Variants in ZMYM2 observed in about 807,000 individuals in gnomAD.
ZMYM2 encodes zinc finger MYM-type containing 2, also known as zinc finger MYM-type protein 2.
A neutral mutation model predicts 162.8 loss-of-function variants in ZMYM2; 56 were observed. The observed-to-expected ratio is 0.34, with a 90% CI of 0.28 to 0.43. The LOEUF (loss-of-function observed/expected upper bound fraction) is 0.43. ZMYM2 is among the 20% of genes least tolerant of loss of function. The probability of loss-of-function intolerance (pLI) is 1.00; values close to 1 mark genes in which losing one functional copy is unlikely to be tolerated. For missense variants in ZMYM2, 1,275 were observed against 1,621.8 expected (o/e 0.79, Z 3.67); for synonymous variants, 510 against 541.6 (o/e 0.94, Z 0.81).
At chr13:19,884,900 G>T in the ZMYM2 span, among the ~76,000 whole-genome samples, 2 of 151,960 alleles carry the variant, frequency 1.3e-5, no homozygotes. Flanking sequence ...TATTTGGCCC[G>T]GCCCATGTCC....
chr13:19,978,423 G>GTT (rs1201992808), intron 2 of ZMYM2, among the ~76,000 whole-genome samples: 1 of 147,144 alleles, frequency 6.8e-6, no homozygotes, highest in Non-Finnish European at 1.5e-5. Context: ...TGTTTTTTGG[G>GTT]TTTTTTTTTT....
At chr13:19,880,667 G>A in the ZMYM2 span, among the ~76,000 whole-genome samples, 1 of 151,900 alleles carries the variant, frequency 6.6e-6, no homozygotes, top group Non-Finnish European at 1.5e-5. Context: ...GAGCTCAGGC[G>A]ATCCACCCGC....
intron 2 of ZMYM2, among the ~76,000 whole-genome samples, chr13:19,960,840 T>C (rs1263880586): frequency 1.3e-5 from 2 of 152,336 alleles, no homozygotes; most frequent in Admixed American, 6.5e-5. Context: ...CTGGAGCCCA[T>C]TGACAGTTGA....
intron 21 of ZMYM2, among the ~76,000 whole-genome samples, chr13:20,074,617 C>T (rs1306883687): frequency 6.6e-6 from 1 of 150,384 alleles, no homozygotes; most frequent in East Asian, 2.0e-4. Flanking sequence ...CAGCTCACTG[C>T]AAGCTCCGCC....
intron 2 of ZMYM2, among the ~76,000 whole-genome samples, chr13:19,962,824 A>ATTTT (rs34502556): frequency 4.1e-4 from 47 of 113,528 alleles, no homozygotes; most frequent in African/African-American, 1.6e-3. Flanking sequence ...TTGCCCAGCC[A>ATTTT]TTTTTTTTTT....
chr13:19,900,899 GCGGGCGC>G, the ZMYM2 span, among the ~76,000 whole-genome samples: 1 of 152,052 alleles, frequency 6.6e-6, no homozygotes, highest in African/African-American at 2.4e-5. Flanking sequence ...AGGCGTGGTG[GCGGGCGC>G]CTGTAGTCCC....
chr13:20,082,715 T>C (rs1957989353), intron 22 of ZMYM2, 66 bp from the exon 23 acceptor site: 2 of 1,328,596 alleles, frequency 1.5e-6, no homozygotes, highest in African/African-American at 1.5e-5. Flanking sequence ...CTGTGTCTGC[T>C]TCTAGATGGT....
chr13:19,936,637 A>C, the ZMYM2 span, among the ~76,000 whole-genome samples: 1 of 152,046 alleles, frequency 6.6e-6, no homozygotes, highest in African/African-American at 2.4e-5. Flanking sequence ...CAGGAGAATC[A>C]CTTGAACCCA....
At chr13:19,956,908 TTGTTGTGATGTTTC>T (rs902306468), upstream of ZMYM2, among the ~76,000 whole-genome samples, 3 of 152,334 alleles carry the variant, frequency 2.0e-5, no homozygotes, top group African/African-American at 7.2e-5. Flanking sequence ...GTGGCTGTTT[TTGTTGTGATGTTTC>T]TGTTGTGATG....
chr13:19,991,613 C>CT (rs1481380145), intron 2 of ZMYM2, among the ~76,000 whole-genome samples: 12 of 133,964 alleles, frequency 9.0e-5, no homozygotes, highest in African/African-American at 3.0e-4. Flanking sequence ...AATTTCTTTT[C>CT]TTTTCTTTTT....
chr13:20,041,327 CT>C (rs1351513021), intron 12 of ZMYM2, among the ~76,000 whole-genome samples: 12 of 152,110 alleles, frequency 7.9e-5, no homozygotes, highest in Admixed American at 7.2e-4. Context: ...CCTTCTTTGT[CT>C]TTTTTGATCT....
upstream of ZMYM2, among the ~76,000 whole-genome samples, chr13:19,954,987 T>G (rs1351153450): frequency 6.6e-6 from 1 of 151,834 alleles, no homozygotes; most frequent in East Asian, 1.9e-4. Context: ...GTTTTTGTAT[T>G]TTTTGGTAGA....
chr13:19,901,294 T>A, the ZMYM2 span, among the ~76,000 whole-genome samples: 2 of 152,288 alleles, frequency 1.3e-5, no homozygotes, highest in East Asian at 3.9e-4. Context: ...CCCAAAGGAA[T>A]TGAAAGCAGT....
At chr13:20,050,599 C>T (rs945115240) in intron 12 of ZMYM2, among the ~76,000 whole-genome samples, 20 of 151,924 alleles carry the variant, frequency 1.3e-4, no homozygotes, top group African/African-American at 4.8e-4. Context: ...TTTGAAGATA[C>T]ATCACTTATA....
chr13:20,031,241 C>T (rs1953102528), intron 9 of ZMYM2, 78 bp from the exon 10 acceptor site: 25 of 983,440 alleles, frequency 2.5e-5, no homozygotes, highest in Admixed American at 1.5e-4. Flanking sequence ...TTCTGGACAT[C>T]GTAGATATAT....
At chr13:19,894,726 G>T in the ZMYM2 span, among the ~76,000 whole-genome samples, 1 of 151,938 alleles carries the variant, frequency 6.6e-6, no homozygotes, top group East Asian at 1.9e-4. Flanking sequence ...CAAAAATATG[G>T]TTTCTATTGA....
chr13:20,002,988 T>C lies in ZMYM2; in HGVS notation c.986T>C (p.Val329Ala). ...CAGCAGCCTACTAAACCAGTTAAAG[T>C]CACTTGTGCAAACTGCAAAAAACCT... ...VQQQPTKPVK[V>A]TCANCKKPLQ... Residue 329 changes from valine (V) to alanine (A), a missense_variant, in exon 4 of 25, where the codon GTC becomes GCC. Physicochemically the swap from Val to Ala is moderately conservative, Grantham distance 64. This residue lies in a region of ZMYM2 where 115 missense variants were observed against 175.3 expected (regional missense o/e 0.66). Transcript: ENST00000610343. 1 of 1,614,134 alleles carries C rather than the reference T, an allele frequency of 6.2e-7. No individual in the cohort carries two copies. Among genetic ancestry groups the C allele is most frequent in the Non-Finnish European group, 8.5e-7 (1 of 1,180,022 alleles).
chr13:19,932,302 G>C, the ZMYM2 span, among the ~76,000 whole-genome samples: 1 of 152,154 alleles, frequency 6.6e-6, no homozygotes, highest in African/African-American at 2.4e-5. Flanking sequence ...ATGAGGTTTA[G>C]AGGAAGTCAG....
At chr13:19,992,650 G>T (rs1949718242) in intron 2 of ZMYM2, among the ~76,000 whole-genome samples, 1 of 151,780 alleles carries the variant, frequency 6.6e-6, no homozygotes, top group Non-Finnish European at 1.5e-5. Context: ...AGTGTATAAT[G>T]AAGTAATTAT....
Sources: gnomAD v4.1 joint callset for allele counts (sites outside exome capture counted in the v4.1 genomes callset) on GRCh38, gnomAD v4.1.1 for gene constraint, gnomAD v4.1.1 regional missense constraint, MANE v1.5 for transcripts, NCBI Gene and HGNC (gene_info 2026-07-23, HGNC 2026-07-21) for gene names.